The following PIEZO2 variants were observed in gnomAD, a reference collection of about 807,000 sequenced individuals.
The protein encoded by PIEZO2 is piezo-type mechanosensitive ion channel component 2.
PIEZO2 carries 172 observed loss-of-function variants against 337.3 expected under a neutral mutation model. The ratio of observed to expected loss-of-function variants is 0.51; its 90% CI spans 0.45 to 0.58. The LOEUF (loss-of-function observed/expected upper bound fraction) is 0.58. Ranked by LOEUF, PIEZO2 falls within the 20% of genes least tolerant of loss-of-function variation. The probability of loss-of-function intolerance (pLI) is 0.00; values close to 1 mark genes in which losing one functional copy is unlikely to be tolerated. For synonymous variants in PIEZO2, 1,251 were observed against 1,228.5 expected, an observed-to-expected ratio of 1.02 and a Z score of -0.38; for missense variants, 3,028 against 3,391.3, an observed-to-expected ratio of 0.89 and a Z score of 2.66.
intron 7 of PIEZO2, among the ~76,000 whole-genome samples, chr18:10,845,846 A>G (rs1446495345): frequency 1.3e-5 from 2 of 152,244 alleles, no homozygotes; most frequent in Admixed American, 6.5e-5. Context: ...GAGTTTCTCA[A>G]ATAAATACAT....
chr18:10,676,235 C>T lies in PIEZO2; in HGVS notation c.8082-947G>A, dbSNP rs1267453782. On this transcript the variant is annotated intron_variant, in intron 53 of 55. Coordinates refer to ENST00000674853, the MANE Select transcript of PIEZO2 (RefSeq NM_001378183.1). The surrounding 1 kb of genome is among the most constrained non-coding windows in gnomAD (Gnocchi z 5.1). The stretch of plus-strand genomic sequence containing the variant: ...CTGACAGTCTCCAAGGGCCCTTCAA[C>T]TTTAGTGAGTCGCAAAACATATCTC... Among the ~76,000 whole-genome samples, 1 of 152,130 alleles carries T rather than the reference C, an allele frequency of 6.6e-6. No individual in the cohort carries two copies. Among genetic ancestry groups the T allele is most frequent in the African/African-American group, 2.4e-5 (1 of 41,438 alleles).
intron 36 of PIEZO2, among the ~76,000 whole-genome samples, chr18:10,720,895 T>C (rs1198605507): frequency 1.3e-5 from 2 of 152,200 alleles, no homozygotes; most frequent in South Asian, 2.1e-4. Flanking sequence ...CTTTATTTTT[T>C]ATGCATGGGC....
At chr18:10,994,847 CA>C (rs2035248300) in intron 2 of PIEZO2, among the ~76,000 whole-genome samples, 2 of 151,724 alleles carry the variant, frequency 1.3e-5, no homozygotes, top group Non-Finnish European at 2.9e-5. Context: ...TTTGGGAGGC[CA>C]AAGCGGGCGG....
intron 2 of PIEZO2, among the ~76,000 whole-genome samples, chr18:11,046,038 C>A (rs1274864493): frequency 6.6e-6 from 1 of 152,176 alleles, no homozygotes; most frequent in African/African-American, 2.4e-5. Context: ...ATCAGCAAAA[C>A]TCTGGATCAC....
intron 2 of PIEZO2, among the ~76,000 whole-genome samples, chr18:11,040,726 C>G (rs773093508): frequency 3.9e-5 from 6 of 152,038 alleles, no homozygotes; most frequent in African/African-American, 1.4e-4. Flanking sequence ...TCAATGTGGG[C>G]GAAAAAAGTG....
In PIEZO2 at chr18:10,856,975, G is replaced by A. The variant is rs181917421; in HGVS notation, c.703+26C>T. On this transcript the variant is annotated intron_variant, in intron 6 of 55. Transcript: ENST00000674853. The surrounding 1 kb of genome is among the most constrained non-coding windows in gnomAD (Gnocchi z 4.7). ...AAGCACTGCTTGTGCCTTTTGCTACGTGCAGCCAGTGTGGGAGACACTCAC... is the reference window on the plus strand; with the variant it reads ...AAGCACTGCTTGTGCCTTTTGCTACATGCAGCCAGTGTGGGAGACACTCAC... The A allele has an allele frequency of 6.5e-6, 10 of 1,531,624 alleles. No individual in the cohort carries two copies. In the South Asian group the frequency reaches 7.1e-5, roughly 11 times the overall value. The allele number at this position is 1,531,624 out of a possible 1,614,324, so 94.9% of individuals were successfully genotyped here. A position where few individuals can be genotyped will look rare whatever the true frequency, so the allele number is the denominator to read the frequency against.
At chr18:10,918,514 G>A (rs1445363506) in intron 3 of PIEZO2, among the ~76,000 whole-genome samples, 1 of 151,824 alleles carries the variant, frequency 6.6e-6, no homozygotes, top group African/African-American at 2.4e-5. Flanking sequence ...TGTGAAGGGT[G>A]GGTGATCTCG....
At chr18:10,907,273 T>C (rs568382498) in intron 4 of PIEZO2, among the ~76,000 whole-genome samples, 1 of 151,970 alleles carries the variant, frequency 6.6e-6, no homozygotes, top group Non-Finnish European at 1.5e-5. Flanking sequence ...TGAAACCCCG[T>C]CTCTAATAAA....
chr18:11,025,303 T>C (rs1353168913), intron 2 of PIEZO2, among the ~76,000 whole-genome samples: 1 of 152,218 alleles, frequency 6.6e-6, no homozygotes, highest in East Asian at 1.9e-4. Context: ...ATGTTTCTTG[T>C]TATTTTTGAT....
intron 1 of PIEZO2, among the ~76,000 whole-genome samples, chr18:11,081,682 A>T (rs1222588020): frequency 6.6e-6 from 1 of 152,032 alleles, no homozygotes; most frequent in Non-Finnish European, 1.5e-5. Flanking sequence ...TGCAGAGGGA[A>T]GCAAAGAAAA....
intron 39 of PIEZO2, chr18:10,709,452 T>C (rs959651370): frequency 1.3e-5 from 2 of 152,284 alleles, no homozygotes; most frequent in African/African-American, 4.8e-5. Context: ...TGTGTGCTCA[T>C]GGGCTGGCTG....
At chr18:10,752,922 C>G (rs917318908) in intron 27 of PIEZO2, 43 bp from the exon 28 acceptor site, 1 of 1,504,798 alleles carries the variant, frequency 6.6e-7, no homozygotes, top group Non-Finnish European at 8.8e-7. Context: ...AACAACAAAA[C>G]AAACAAAAGC....
Position 10,834,338 on chromosome 18 carries a change from G to T in PIEZO2, c.917+21015C>A, listed in dbSNP as rs1185666861. ...CTCAATTTTCCTGTCTTTAGAATGG[G>T]CATAATAAAGTAGACCACACCTTAT... is the stretch of plus-strand genomic sequence containing the variant. On this transcript the variant is annotated intron_variant, in intron 7 of 55. Coordinates refer to ENST00000674853, the MANE Select transcript of PIEZO2 (RefSeq NM_001378183.1). The surrounding 1 kb of genome is among the most constrained non-coding windows in gnomAD (Gnocchi z 4.5). Among the ~76,000 whole-genome samples the T allele has an allele frequency of 6.6e-6, 1 of 152,156 alleles. No individual in the cohort carries two copies. The highest frequency in any genetic ancestry group is 2.4e-5 in the African/African-American group (1 of 41,424).
rs58917103 is a variant in PIEZO2, at chr18:10,696,041, C to A, written c.7190+33G>T. 5.9e-3 allele frequency: 9,240 copies of A among 1,571,258 alleles called. 450 individuals are homozygous for A. In the African/African-American group the frequency reaches 0.11, roughly 19 times the overall value. Reference sequence around the variant, plus strand: ...CTCAGGAAACACAGTTGCATGGAGGCAGGTTGGTGCCTCTGGCTTCTGAAG... The same window carrying A: ...CTCAGGAAACACAGTTGCATGGAGGAAGGTTGGTGCCTCTGGCTTCTGAAG... On this transcript the variant is annotated intron_variant, in intron 47 of 55. Transcript: ENST00000674853.
At chr18:11,012,439 T>C (rs1391381559) in intron 2 of PIEZO2, among the ~76,000 whole-genome samples, 1 of 152,256 alleles carries the variant, frequency 6.6e-6, no homozygotes, top group Non-Finnish European at 1.5e-5. Flanking sequence ...AAGCCCATTA[T>C]AGTTTTCTGG....
chr18:10,692,865 T>C (rs2034912868), intron 47 of PIEZO2, among the ~76,000 whole-genome samples: 1 of 152,222 alleles, frequency 6.6e-6, no homozygotes, highest in African/African-American at 2.4e-5. Flanking sequence ...CAATTCCATA[T>C]GAATTTTTGT....
chr18:10,874,958 A>G (rs2042232677), intron 4 of PIEZO2, among the ~76,000 whole-genome samples: 1 of 152,212 alleles, frequency 6.6e-6, no homozygotes, highest in African/African-American at 2.4e-5. Context: ...AATAGCTAGA[A>G]GATTTAAAAT....
chr18:10,786,916 T>A, intron 16 of PIEZO2, 120 bp downstream of exon 16: 1 of 996,444 alleles, frequency 1.0e-6, no homozygotes, highest in Non-Finnish European at 1.4e-6. Context: ...ATTTCTATTA[T>A]TGAGGAACTT....
intron 4 of PIEZO2, among the ~76,000 whole-genome samples, chr18:10,873,284 C>G (rs893008460): frequency 6.6e-6 from 1 of 152,134 alleles, no homozygotes; most frequent in Admixed American, 6.5e-5. Context: ...ATCCAACCAA[C>G]CATCATATTG....
Sources: allele counts gnomAD v4.1 joint callset (sites outside exome capture counted in the v4.1 genomes callset), GRCh38; gene constraint gnomAD v4.1.1; non-coding constraint Gnocchi (gnomAD v3.1); transcripts MANE v1.5; gene names NCBI Gene and HGNC (gene_info 2026-07-23, HGNC 2026-07-21).